MITD1: variants seen among roughly 807,000 people sequenced by gnomAD.
The protein encoded by MITD1 is MIT domain-containing protein 1.
In MITD1, 24 loss-of-function variants were observed where a neutral mutation model predicts 34.9. That is an observed-to-expected ratio of 0.69 (90% CI 0.50 to 0.97). MITD1 has a LOEUF of 0.97. Ranked by LOEUF, MITD1 falls within the 50% of genes least tolerant of loss-of-function variation. The probability of loss-of-function intolerance (pLI) is 0.00; values close to 1 mark genes in which losing one functional copy is unlikely to be tolerated. For synonymous variants in MITD1, 102 were observed against 101.4 expected (o/e 1.01, Z -0.04); for missense variants, 266 against 294.6 (o/e 0.90, Z 0.71).
chr2:99,177,899 T>G (rs928831275), intron 1 of MITD1, among the ~76,000 whole-genome samples: 13 of 152,186 alleles, frequency 8.5e-5, no homozygotes, highest in African/African-American at 3.1e-4. Flanking sequence ...ACTCTCTACT[T>G]CTATGATATT....
chr2:99,167,226 ACT>A (rs201564205), downstream of MITD1, among the ~76,000 whole-genome samples: 1,628 of 152,102 alleles, frequency 0.011, 9 homozygotes, highest in Middle Eastern at 0.027. Flanking sequence ...TCCTGGTGTT[ACT>A]CTCTTTTGTC....
At chr2:99,166,994 C>A (rs1056252795), downstream of MITD1, among the ~76,000 whole-genome samples, 2 of 150,300 alleles carry the variant, frequency 1.3e-5, no homozygotes, top group African/African-American at 4.9e-5. Context: ...AAGACAGAGG[C>A]CTTAATGTTA....
chr2:99,177,256 GCTAC>G (rs1559182686), intron 1 of MITD1, among the ~76,000 whole-genome samples: 2 of 152,066 alleles, frequency 1.3e-5, no homozygotes, highest in Non-Finnish European at 2.9e-5. Context: ...CAATCATTAC[GCTAC>G]AGTTTCTCAG....
At chr2:99,167,090 TTCTC>T (rs557049583), downstream of MITD1, among the ~76,000 whole-genome samples, 4 of 151,912 alleles carry the variant, frequency 2.6e-5, no homozygotes, top group South Asian at 2.1e-4. Flanking sequence ...CATACACAAT[TTCTC>T]TCTTTCAAAT....
At chr2:99,176,335 C>CTTT (rs34969455) in intron 1 of MITD1, among the ~76,000 whole-genome samples, 3 of 143,680 alleles carry the variant, frequency 2.1e-5, no homozygotes, top group Non-Finnish European at 4.6e-5. Context: ...AATTCATAAA[C>CTTT]TTTTTTTTTT....
intron 7 of MITD1, chr2:99,162,458 TA>T (rs773135373): frequency 5.6e-6 from 9 of 1,614,094 alleles, no homozygotes; most frequent in Non-Finnish European, 7.6e-6. Context: ...GAACAGCTTC[TA>T]AGATCGGCCG....
intron 7 of MITD1, chr2:99,162,339 GA>G: frequency 6.2e-7 from 1 of 1,613,618 alleles, no homozygotes; most frequent in Non-Finnish European, 8.5e-7. Context: ...TGATAGAATG[GA>G]AAATCTGAAA....
At chr2:99,177,146 A>C (rs2093892457) in intron 1 of MITD1, among the ~76,000 whole-genome samples, 3 of 152,160 alleles carry the variant, frequency 2.0e-5, no homozygotes. Flanking sequence ...AGCAAAACAC[A>C]ACCTTTCCTC....
At chr2:99,178,675 A>G (rs1328161648) in intron 1 of MITD1, among the ~76,000 whole-genome samples, 1 of 152,180 alleles carries the variant, frequency 6.6e-6, no homozygotes, top group African/African-American at 2.4e-5. Context: ...AATAGGAGAG[A>G]GAGTGTGCCA....
intron 1 of MITD1, 117 bp from the exon 2 acceptor site, chr2:99,174,133 C>G (rs2093873850): frequency 1.7e-6 from 1 of 598,068 alleles, no homozygotes; most frequent in African/African-American, 1.9e-5. Flanking sequence ...TATGGCTTGC[C>G]TCAGTCCTCA....
chr2:99,165,053 C>CAG (rs2093821389), downstream of MITD1, among the ~76,000 whole-genome samples: 1 of 126,092 alleles, frequency 7.9e-6, no homozygotes, highest in Non-Finnish European at 1.8e-5. Flanking sequence ...CACACACACA[C>CAG]ACACACACAT....
At chr2:99,180,006 G>T (rs992901428) in intron 1 of MITD1, among the ~76,000 whole-genome samples, 4 of 152,166 alleles carry the variant, frequency 2.6e-5, no homozygotes, top group Admixed American at 1.3e-4. Flanking sequence ...AGTGTCGGGG[G>T]TTGGGGAGCA....
chr2:99,169,204 G>A, downstream of MITD1: 1 of 471,094 alleles, frequency 2.1e-6, no homozygotes, highest in Non-Finnish European at 3.8e-6. Flanking sequence ...AATCTGCTGA[G>A]TAATATATTT....
chr2:99,176,086 A>C (rs1396124530), intron 1 of MITD1, among the ~76,000 whole-genome samples: 1 of 151,970 alleles, frequency 6.6e-6, no homozygotes, highest in Non-Finnish European at 1.5e-5. Flanking sequence ...GACTACAGGC[A>C]CACATTACTA....
Position 99,171,442 on chromosome 2 carries a change from AG to A in MITD1, c.391-14del. 1 of 1,604,014 alleles carries A rather than the reference AG, an allele frequency of 6.2e-7. No homozygotes were observed. Among genetic ancestry groups the A allele is most frequent in the South Asian group, 1.1e-5 (1 of 90,788 alleles). On this transcript the variant is annotated splice_polypyrimidine_tract_variant and intron_variant, in intron 3 of 6. Coordinates refer to ENST00000289359, the MANE Select transcript of MITD1 (RefSeq NM_138798.3). The stretch of plus-strand genomic sequence containing the variant: ...GAAAGTTATACAGCTAAAAGACATT[AG>A]AATGGATTATTACTAATTTAGTACA...
At chr2:99,172,198 G>C (rs1354278848) in intron 2 of MITD1, 1 of 151,840 alleles carries the variant, frequency 6.6e-6, no homozygotes, top group Admixed American at 6.6e-5. Flanking sequence ...GACCAGCCTG[G>C]CCAACATGGT....
intron 7 of MITD1, chr2:99,163,033 A>ATT: frequency 6.3e-7 from 1 of 1,594,500 alleles, no homozygotes; most frequent in Non-Finnish European, 8.5e-7. Context: ...CACAAACTAA[A>ATT]CAGTAAATGG....
exon 8 of MITD1, chr2:99,162,024 G>A (rs2093797218): frequency 1.2e-6 from 2 of 1,613,698 alleles, no homozygotes; most frequent in East Asian, 4.5e-5. Flanking sequence ...CCCAGCAGCT[G>A]GCTTTAAAAA....
Position 99,179,300 on chromosome 2 carries a change from T to A in MITD1, c.151+1531A>T, listed in dbSNP as rs775126160. Among the ~76,000 whole-genome samples the A allele has an allele frequency of 2.0e-5, 3 of 152,002 alleles. No individual in the cohort carries two copies. In the South Asian group the frequency reaches 6.2e-4, roughly 32 times the overall value. ...TCTTTTGGGATTCAGTATACCAGAG[T>A]CGTTGGGGCCTTGGGCTCCGACTGT... On this transcript the variant is annotated intron_variant, in intron 1 of 6. Coordinates refer to ENST00000289359, the MANE Select transcript of MITD1 (RefSeq NM_138798.3).
Sources: gnomAD v4.1 joint callset for allele counts (sites outside exome capture counted in the v4.1 genomes callset) on GRCh38, gnomAD v4.1.1 for gene constraint, MANE v1.5 for transcripts, NCBI Gene and HGNC (gene_info 2026-07-23, HGNC 2026-07-21) for gene names.